DOCK9: variants seen among roughly 807,000 people sequenced by gnomAD.
DOCK9 encodes the protein dedicator of cytokinesis 9.
A neutral mutation model predicts 263.3 loss-of-function variants in DOCK9; 89 were observed. That is an observed-to-expected ratio of 0.34 (90% confidence interval 0.28 to 0.40). DOCK9 has a LOEUF of 0.40. Among genes scored for constraint, DOCK9 ranks in the 10% least tolerant of loss-of-function variants. DOCK9 has a pLI of 1.00. For synonymous variants in DOCK9, 976 were observed against 973.1 expected (o/e 1.00, Z -0.06); for missense variants, 2,140 against 2,603.4 (o/e 0.82, Z 3.87).
intron 1 of DOCK9, among the ~76,000 whole-genome samples, chr13:98,974,396 G>T (rs975433302): frequency 6.6e-6 from 1 of 152,150 alleles, no homozygotes; most frequent in African/African-American, 2.4e-5. Context: ...GTAGGTGCCT[G>T]TAAGTTGAAC....
intron 7 of DOCK9, 134 bp downstream of exon 7, chr13:98,920,820 T>A: frequency 1.2e-6 from 1 of 865,722 alleles, no homozygotes; most frequent in Non-Finnish European, 1.7e-6. Flanking sequence ...AAGGCTTGCC[T>A]CATTTAAAGT....
Position 98,848,650 on chromosome 13 carries a change from G to A in DOCK9, c.4014-11C>T, listed in dbSNP as rs1475526051. 2.5e-6 allele frequency: 4 copies of A among 1,610,068 alleles called. No homozygotes were observed. Among genetic ancestry groups the A allele is most frequent in the African/African-American group, 2.7e-5 (2 of 74,872 alleles). ...TGGTGCAGGCAGACTCTGCAGGCAA[G>A]ATGAAAAATTATTAGGGAAATGCAA... On this transcript the variant is annotated splice_polypyrimidine_tract_variant and intron_variant, in intron 36 of 52. Transcript: ENST00000682017.
intron 1 of DOCK9, among the ~76,000 whole-genome samples, chr13:98,986,372 C>T (rs1878445609): frequency 6.6e-6 from 1 of 152,240 alleles, no homozygotes; most frequent in Non-Finnish European, 1.5e-5. Context: ...AGGGGACAGG[C>T]CGCCAGGCCA....
Position 98,800,367 on chromosome 13 carries a change from T to A in DOCK9, c.5837A>T (p.Glu1946Val), listed in dbSNP as rs973349293. 1 of 1,613,692 alleles carries A rather than the reference T, an allele frequency of 6.2e-7. No individual in the cohort carries two copies. The highest frequency in any genetic ancestry group is 8.5e-7 in the Non-Finnish European group (1 of 1,179,856). ...GGCCGAGGAGCACAGCTGCCGGAGC[T>A]CCGCCACCTTCTTACTCATCTCGTC... ...AIDEMSKKVA[E>V]LRQLCSSAEV... The change falls in exon 50 of 53, where the codon GAG becomes GTG. Residue 1946 changes from glutamate (E) to valine (V), a missense_variant. Transcript: ENST00000682017.
At chr13:99,049,637 C>A (rs998863873) in intron 1 of DOCK9, among the ~76,000 whole-genome samples, 56 of 152,274 alleles carry the variant, frequency 3.7e-4, no homozygotes, top group African/African-American at 1.3e-3. Context: ...CTGCCTCCCA[C>A]CCACATAGCT....
At chr13:98,809,556 C>A (rs1217329277) in intron 46 of DOCK9, 91 bp from the exon 47 acceptor site, 1 of 1,024,016 alleles carries the variant, frequency 9.8e-7, no homozygotes, top group East Asian at 2.5e-5. Flanking sequence ...GTGAAAAGTC[C>A]TTGAACTTGA....
In DOCK9 at chr13:98,867,949, A is replaced by G; in HGVS notation, c.3153T>C (p.Cys1051=). The change falls in exon 29 of 53, where the codon TGT becomes TGC. Residue 1051 remains cysteine (C), a synonymous_variant. Transcript: ENST00000682017. ...VFKQINNYIS[C]FAPGDPKTLF... is the part of the protein sequence containing the mutation. ...CTACCTTTGGGTCTCCAGGAGCAAA[A>G]CAGCTAATGTAGTTGTTGATCTGCT... The G allele has an allele frequency of 1.2e-6, 2 of 1,613,696 alleles. No homozygotes were observed. The highest frequency in any genetic ancestry group is 1.7e-6 in the Non-Finnish European group (2 of 1,179,834).
At position 98,959,937 on chromosome 13, in the gene DOCK9, T is replaced by C. The variant is rs1221373985; in HGVS notation, c.127-4386A>G. ...CTGTTCTTCAGCCCCGCTAAGCTTT[T>C]CCAGGTGCTGGTGGGGCATGGAGGC... On this transcript the variant is annotated intron_variant, in intron 1 of 52. Coordinates refer to ENST00000682017, the MANE Select transcript of DOCK9 (RefSeq NM_001366683.2). Among the ~76,000 whole-genome samples the C allele has an allele frequency of 2.0e-5, 3 of 152,208 alleles. 1 individual carries two copies. Among genetic ancestry groups the C allele is most frequent in the African/African-American group, 7.2e-5 (3 of 41,458 alleles).
intron 27 of DOCK9, among the ~76,000 whole-genome samples, chr13:98,877,127 G>A (rs1456019118): frequency 2.0e-5 from 3 of 152,196 alleles, no homozygotes; most frequent in Non-Finnish European, 4.4e-5. Flanking sequence ...GGCTGGAAAT[G>A]GCAGCACCTC....
At chr13:98,929,707 C>G (rs1226738317) in intron 3 of DOCK9, among the ~76,000 whole-genome samples, 12 of 151,422 alleles carry the variant, frequency 7.9e-5, no homozygotes, top group Non-Finnish European at 2.9e-5. Flanking sequence ...GCGATAGACC[C>G]TGCTTATTAT....
At chr13:98,852,435 T>TG (rs2093599814) in intron 35 of DOCK9, among the ~76,000 whole-genome samples, 1 of 151,862 alleles carries the variant, frequency 6.6e-6, no homozygotes, top group African/African-American at 2.4e-5. Flanking sequence ...TGGCTGGGGT[T>TG]GGGGAAAAAA....
intron 7 of DOCK9, among the ~76,000 whole-genome samples, chr13:98,918,812 A>G (rs2051335948): frequency 6.6e-6 from 1 of 152,238 alleles, no homozygotes; most frequent in African/African-American, 2.4e-5. Context: ...AAGAAAGAGG[A>G]AGGCATAAGG....
chr13:99,086,348 A>T (rs1206428940), exon 1 of DOCK9: 14 of 1,435,838 alleles, frequency 9.8e-6, no homozygotes, highest in Non-Finnish European at 1.3e-5. Flanking sequence ...GGCGGCTGCG[A>T]CATCCTCCTG....
At chr13:98,954,005 C>T (rs117335750) in intron 2 of DOCK9, among the ~76,000 whole-genome samples, 176 of 152,064 alleles carry the variant, frequency 1.2e-3, no homozygotes, top group Non-Finnish European at 1.9e-3. Context: ...AAGCTGGAGT[C>T]GCTTAAATTT....
At chr13:98,827,922 C>T (rs2092609557) in intron 43 of DOCK9, among the ~76,000 whole-genome samples, 1 of 152,198 alleles carries the variant, frequency 6.6e-6, no homozygotes, top group South Asian at 2.1e-4. Flanking sequence ...TTCATGGCCT[C>T]CCTGAGACCT....
intron 3 of DOCK9, among the ~76,000 whole-genome samples, chr13:98,928,892 G>A (rs1180453028): frequency 6.6e-6 from 1 of 152,104 alleles, no homozygotes; most frequent in Non-Finnish European, 1.5e-5. Flanking sequence ...TAGTGGCAAA[G>A]GAGGTAAGAC....
Position 98,825,892 on chromosome 13 carries a change from C to T in DOCK9, c.5023+938G>A. On this transcript the variant is annotated intron_variant, in intron 44 of 52. Coordinates refer to ENST00000682017, the MANE Select transcript of DOCK9 (RefSeq NM_001366683.2). This position sits in a 1 kb window ranked among gnomAD's most constrained non-coding sequence, Gnocchi z 4.1. ...CTCACCTCCCCGGCTCCTCCTCAGGCAGGCGCTATGGCTGTGGGGGAGAAG... is the reference window on the plus strand; with the variant it reads ...CTCACCTCCCCGGCTCCTCCTCAGGTAGGCGCTATGGCTGTGGGGGAGAAG... 1 of 1,548,268 alleles carries T rather than the reference C, an allele frequency of 6.5e-7. No individual in the cohort carries two copies. Among genetic ancestry groups the T allele is most frequent in the South Asian group, 1.3e-5 (1 of 79,870 alleles).
intron 1 of DOCK9, among the ~76,000 whole-genome samples, chr13:99,013,372 C>T (rs1014902487): frequency 3.9e-5 from 6 of 152,192 alleles, no homozygotes; most frequent in Admixed American, 2.0e-4. Context: ...GCCTTGGCCT[C>T]CCAAAGCACT....
chr13:99,050,799 G>C (rs1365903081), intron 1 of DOCK9, among the ~76,000 whole-genome samples: 1 of 152,186 alleles, frequency 6.6e-6, no homozygotes, highest in Non-Finnish European at 1.5e-5. Context: ...CTGTAGCCCA[G>C]CCCACTTTAA....
Sources: gnomAD v4.1 joint callset for allele counts (sites outside exome capture counted in the v4.1 genomes callset) on GRCh38, gnomAD v4.1.1 for gene constraint, Gnocchi (gnomAD v3.1) non-coding constraint, MANE v1.5 for transcripts, NCBI Gene and HGNC (gene_info 2026-07-23, HGNC 2026-07-21) for gene names.